The following CNBD1 variants were observed in gnomAD, a reference collection of about 807,000 sequenced individuals.
The protein encoded by CNBD1 is cyclic nucleotide-binding domain-containing protein 1.
In CNBD1, 71 loss-of-function variants were observed where a neutral mutation model predicts 54.4. The ratio of observed to expected loss-of-function variants is 1.30; its 90% confidence interval spans 1.08 to 1.59. The LOEUF is 1.59. Ranked by LOEUF, CNBD1 falls within the 40% of genes most tolerant of loss-of-function variation. The probability of loss-of-function intolerance (pLI) is 0.00; values close to 1 mark genes in which losing one functional copy is unlikely to be tolerated. For synonymous variants in CNBD1, 182 were observed against 170.7 expected (o/e 1.07, Z -0.51); for missense variants, 659 against 518.0 (o/e 1.27, Z -2.64).
chr8:87,148,897 G>GAACA (rs545822357), intron 4 of CNBD1, among the ~76,000 whole-genome samples: 6 of 152,014 alleles, frequency 3.9e-5, no homozygotes, highest in South Asian at 2.1e-4. Context: ...GCCAAGAAAA[G>GAACA]AACAAACAAA....
chr8:87,054,663 C>G (rs1175878614), intron 4 of CNBD1, among the ~76,000 whole-genome samples: 1 of 152,194 alleles, frequency 6.6e-6, no homozygotes, highest in Non-Finnish European at 1.5e-5. Context: ...CTCTGGAAGT[C>G]CTGGTGCCAA....
intron 4 of CNBD1, among the ~76,000 whole-genome samples, chr8:86,994,756 T>C (rs1808831798): frequency 6.6e-6 from 1 of 152,166 alleles, no homozygotes; most frequent in African/African-American, 2.4e-5. Context: ...CCGTCAACTC[T>C]CGGTGTTTTC....
intron 4 of CNBD1, among the ~76,000 whole-genome samples, chr8:87,049,455 T>G (rs1810269646): frequency 6.6e-6 from 1 of 152,176 alleles, no homozygotes; most frequent in South Asian, 2.1e-4. Context: ...CTCAGCTAGT[T>G]GAGCACTGAT....
chr8:87,327,766 C>T (rs1004847196), intron 8 of CNBD1, among the ~76,000 whole-genome samples: 42 of 152,130 alleles, frequency 2.8e-4, no homozygotes, highest in Non-Finnish European at 4.9e-4. Context: ...CCGTCTTCTG[C>T]GTCGCTCACG....
chr8:87,007,128 C>T (rs948951804), intron 4 of CNBD1, among the ~76,000 whole-genome samples: 2 of 150,716 alleles, frequency 1.3e-5, no homozygotes, highest in South Asian at 2.1e-4. Flanking sequence ...ACCCAGGAGG[C>T]GGAGGTTGCA....
intron 2 of CNBD1, among the ~76,000 whole-genome samples, chr8:87,412,635 A>G (rs560246195): frequency 6.6e-6 from 1 of 152,224 alleles, no homozygotes; most frequent in Non-Finnish European, 1.5e-5. Context: ...TCTTGTGTTA[A>G]GCAAAAAGTG....
chr8:87,091,976 T>C (rs773569803), intron 4 of CNBD1, among the ~76,000 whole-genome samples: 20 of 152,198 alleles, frequency 1.3e-4, no homozygotes, highest in Admixed American at 8.5e-4. Flanking sequence ...CTTTTCTAAA[T>C]ACTATATTGT....
intron 8 of CNBD1, among the ~76,000 whole-genome samples, chr8:87,297,168 A>AC (rs1302491369): frequency 3.7e-5 from 3 of 80,028 alleles, no homozygotes; most frequent in African/African-American, 1.1e-4. Context: ...CGTCTCAAAA[A>AC]AAAAAAAAAA....
intron 8 of CNBD1, among the ~76,000 whole-genome samples, chr8:87,343,268 G>A (rs576080183): frequency 2.6e-4 from 39 of 152,110 alleles, no homozygotes; most frequent in African/African-American, 7.7e-4. Context: ...CATGTTTTAC[G>A]GTCAGATTTC....
At position 87,371,764 on chromosome 8, in the gene CNBD1, A is replaced by C. The variant is rs571067361; in HGVS notation, c.1304-10856A>C. ...CATGATTATCTCAATAGATGCAGAA[A>C]AGGCCTTTGACAAAATTCAACAACC... is the stretch of plus-strand genomic sequence containing the variant. On this transcript the variant is annotated intron_variant, in intron 10 of 10. Transcript: ENST00000518476. Among the ~76,000 whole-genome samples the C allele has an allele frequency of 4.6e-5, 7 of 152,122 alleles. No individual in the cohort carries two copies. In the South Asian group the frequency reaches 1.2e-3, roughly 27 times the overall value.
rs536660885 is a variant in CNBD1, at chr8:86,912,568, G to A, written c.272+7374G>A. Among the ~76,000 whole-genome samples, 630 of 152,194 alleles carry A rather than the reference G, an allele frequency of 4.1e-3. 1 individual carries two copies. The highest frequency in any genetic ancestry group is 7.3e-3 in the Non-Finnish European group (495 of 68,018). ...ATGTCAATGTAAACAAATCTATTGT[G>A]CTGCCAGTTATATAAAAATATAGCA... On this transcript the variant is annotated intron_variant, in intron 3 of 10. Coordinates refer to ENST00000518476, the MANE Select transcript of CNBD1 (RefSeq NM_173538.3).
intron 8 of CNBD1, among the ~76,000 whole-genome samples, chr8:87,296,093 T>C (rs1808870820): frequency 6.6e-6 from 1 of 152,150 alleles, no homozygotes; most frequent in African/African-American, 2.4e-5. Context: ...TAAGTACATA[T>C]GTTTATAGCA....
intron 4 of CNBD1, among the ~76,000 whole-genome samples, chr8:87,026,648 T>C (rs1351530309): frequency 6.6e-6 from 1 of 152,200 alleles, no homozygotes; most frequent in East Asian, 1.9e-4. Flanking sequence ...AAAAAAATTT[T>C]CTTTTCTTTA....
chr8:87,256,506 A>G (rs1429066689), intron 6 of CNBD1, among the ~76,000 whole-genome samples: 2 of 151,950 alleles, frequency 1.3e-5, no homozygotes, highest in Admixed American at 6.6e-5. Context: ...GTTGCTGTGA[A>G]GACTGATACA....
rs563637413 is a variant in CNBD1 at position 86,944,675 on chromosome 8, T to C, written c.431+4921T>C. Among the ~76,000 whole-genome samples, 5 of 152,328 alleles carry C rather than the reference T, an allele frequency of 3.3e-5. No individual in the cohort carries two copies. In the East Asian group the frequency reaches 9.6e-4, roughly 29 times the overall value. On this transcript the variant is annotated intron_variant, in intron 4 of 10. Coordinates refer to ENST00000518476, the MANE Select transcript of CNBD1 (RefSeq NM_173538.3). Reference sequence around the variant, plus strand: ...AAGTGCATGAGTCAAATGGGAGACCTGGTGGAAATAGTGCTTCAGAGGTAG... The same window carrying C: ...AAGTGCATGAGTCAAATGGGAGACCCGGTGGAAATAGTGCTTCAGAGGTAG...
chr8:87,307,271 A>T (rs1809175922), intron 8 of CNBD1, among the ~76,000 whole-genome samples: 1 of 152,232 alleles, frequency 6.6e-6, no homozygotes, highest in Non-Finnish European at 1.5e-5. Flanking sequence ...ATTGTGAAGA[A>T]CACAATTTAA....
intron 4 of CNBD1, among the ~76,000 whole-genome samples, chr8:87,050,767 A>C (rs1344534042): frequency 1.3e-5 from 2 of 152,230 alleles, no homozygotes; most frequent in African/African-American, 4.8e-5. Flanking sequence ...GTCCTGAACT[A>C]GCTTACATTC....
At chr8:87,129,095 T>TA (rs1491208765) in intron 4 of CNBD1, among the ~76,000 whole-genome samples, 1 of 39,378 alleles carries the variant, frequency 2.5e-5, no homozygotes, top group African/African-American at 6.4e-5. Flanking sequence ...AAAAAAAGAA[T>TA]TTTGCTATCT....
At chr8:87,375,411 A>G (rs767362033) in intron 10 of CNBD1, among the ~76,000 whole-genome samples, 2 of 151,894 alleles carry the variant, frequency 1.3e-5, no homozygotes, top group Non-Finnish European at 2.9e-5. Context: ...TTTGTAAACT[A>G]TGTTAGATAA....
Sources: allele counts gnomAD v4.1 joint callset (sites outside exome capture counted in the v4.1 genomes callset), GRCh38; gene constraint gnomAD v4.1.1; transcripts MANE v1.5; gene names NCBI Gene and HGNC (gene_info 2026-07-23, HGNC 2026-07-21).